VEZT: variants seen among roughly 807,000 people sequenced by gnomAD.
VEZT encodes vezatin, adherens junctions transmembrane protein.
In VEZT, 39 loss-of-function variants were observed where a neutral mutation model predicts 79.9. The ratio of observed to expected loss-of-function variants is 0.49; its 90% CI spans 0.38 to 0.64. The LOEUF (loss-of-function observed/expected upper bound fraction) is 0.64, where lower values mean the gene tolerates loss of function less well. Among genes scored for constraint, VEZT ranks in the 30% least tolerant of loss-of-function variants. The probability of loss-of-function intolerance (pLI) is 0.00; values close to 1 mark genes in which losing one functional copy is unlikely to be tolerated. For synonymous variants in VEZT, 325 were observed against 327.6 expected, an observed-to-expected ratio of 0.99 and a Z score of 0.09; for missense variants, 837 against 893.1, an observed-to-expected ratio of 0.94 and a Z score of 0.80.
rs1365559725 is a variant in VEZT, at chr12:95,235,114, C to A, written c.37-16826C>A. Among the ~76,000 whole-genome samples the A allele has an allele frequency of 2.1e-3, 313 of 152,198 alleles. 3 individuals carry two copies. Among genetic ancestry groups the A allele is most frequent in the African/African-American group, 7.1e-3 (295 of 41,542 alleles). Reference sequence around the variant, plus strand: ...CTCAATCTTTTCCCCACCTTTCCCCCCTTTCTATTCCACAAAACCGCCATT... The same window carrying A: ...CTCAATCTTTTCCCCACCTTTCCCCACTTTCTATTCCACAAAACCGCCATT... On this transcript the variant is annotated intron_variant, in intron 1 of 11. Coordinates refer to ENST00000436874, the MANE Select transcript of VEZT (RefSeq NM_017599.4).
chr12:95,261,786 C>G (rs2064556747), intron 3 of VEZT, among the ~76,000 whole-genome samples: 1 of 152,208 alleles, frequency 6.6e-6, no homozygotes, highest in South Asian at 2.1e-4. Flanking sequence ...GGAAACACAG[C>G]TACCAAACGC....
intron 9 of VEZT, among the ~76,000 whole-genome samples, chr12:95,289,417 CAAAAAAA>C (rs146728004): frequency 5.6e-4 from 39 of 69,488 alleles, no homozygotes; most frequent in East Asian, 3.3e-3. Flanking sequence ...ACTCTTGTCT[CAAAAAAA>C]AAAAAAAAAA....
In VEZT at chr12:95,282,642, T is replaced by A; in HGVS notation, c.1326T>A (p.Asn442Lys). ...SLQLHLKALL[N>K]EVIILEDELE... ...AGCTCCATCTGAAAGCATTACTGAA[T>A]GAGTAAGTTTAGAAATTATACCAAG... Residue 442 changes from asparagine to lysine, a missense_variant and splice_region_variant, in exon 8 of 12, where the codon AAT (asparagine) becomes AAA (lysine). Transcript: ENST00000436874. 1.9e-6 allele frequency: 3 copies of A among 1,589,770 alleles called. No homozygotes were observed. The highest frequency in any genetic ancestry group is 1.7e-6 in the Non-Finnish European group (2 of 1,166,024).
intron 1 of VEZT, among the ~76,000 whole-genome samples, chr12:95,236,360 C>T (rs1031853509): frequency 3.3e-5 from 5 of 152,028 alleles, no homozygotes; most frequent in Non-Finnish European, 5.9e-5. Context: ...TGCAGTGAGC[C>T]GAGATGGCAG....
chr12:95,232,153 A>T (rs1246984639), intron 1 of VEZT, among the ~76,000 whole-genome samples: 1 of 152,168 alleles, frequency 6.6e-6, no homozygotes, highest in Non-Finnish European at 1.5e-5. Flanking sequence ...CTATAGCTTT[A>T]AGCTATATTC....
At chr12:95,274,316 A>G (rs1051880281) in intron 6 of VEZT, among the ~76,000 whole-genome samples, 1 of 151,970 alleles carries the variant, frequency 6.6e-6, no homozygotes, top group Admixed American at 6.6e-5. Context: ...AAATACAAAA[A>G]TCAGCTGGGT....
At chr12:95,260,938 A>G (rs1050737522) in intron 3 of VEZT, among the ~76,000 whole-genome samples, 2 of 150,248 alleles carry the variant, frequency 1.3e-5, no homozygotes, top group Admixed American at 1.3e-4. Flanking sequence ...AAGAGAGAAG[A>G]GGCAGTTGTT....
At chr12:95,290,684 AGATTAGG>A (rs1476141079) in intron 9 of VEZT, 4 of 152,166 alleles carry the variant, frequency 2.6e-5, no homozygotes, top group African/African-American at 9.7e-5. Context: ...TTAGAAACCA[AGATTAGG>A]GTACTTGGCT....
At chr12:95,230,574 CTTT>C (rs56104790) in intron 1 of VEZT, among the ~76,000 whole-genome samples, 204 of 137,198 alleles carry the variant, frequency 1.5e-3, no homozygotes, top group African/African-American at 4.8e-3. Flanking sequence ...GTTATCTCTC[CTTT>C]TTTTTTTTTT....
chr12:95,296,402 AAATC>A, intron 11 of VEZT, 144 bp downstream of exon 11: 1 of 589,726 alleles, frequency 1.7e-6, no homozygotes, highest in Non-Finnish European at 2.7e-6. Context: ...TCTAGATGCT[AAATC>A]AATTTGATTA....
At chr12:95,272,938 G>A (rs2066918041) in intron 6 of VEZT, among the ~76,000 whole-genome samples, 1 of 152,112 alleles carries the variant, frequency 6.6e-6, no homozygotes, top group Admixed American at 6.6e-5. Context: ...TGTAGAGACA[G>A]GGTTTCACCA....
chr12:95,230,460 A>G (rs1427817942), intron 1 of VEZT, among the ~76,000 whole-genome samples: 1 of 145,688 alleles, frequency 6.9e-6, no homozygotes, highest in Non-Finnish European at 1.5e-5. Flanking sequence ...CTGTCAACCC[A>G]GGCTGGAGTG....
At chr12:95,243,870 G>A (rs1336444669) in intron 1 of VEZT, 1 of 434,684 alleles carries the variant, frequency 2.3e-6, no homozygotes, top group Non-Finnish European at 4.6e-6. Context: ...TATAAAGTAA[G>A]GACTTTCTTA....
chr12:95,259,352 G>A (rs781328292), intron 3 of VEZT, among the ~76,000 whole-genome samples: 5 of 152,046 alleles, frequency 3.3e-5, no homozygotes, highest in Admixed American at 1.3e-4. Context: ...TATATCCAAC[G>A]TGTGCTTTTC....
intron 1 of VEZT, among the ~76,000 whole-genome samples, chr12:95,218,998 G>A (rs1012148454): frequency 6.6e-6 from 1 of 152,164 alleles, no homozygotes; most frequent in African/African-American, 2.4e-5. Context: ...TGGCTGCAAT[G>A]AAGAAGCAGT....
At chr12:95,232,365 T>C (rs932674959) in intron 1 of VEZT, among the ~76,000 whole-genome samples, 1 of 152,176 alleles carries the variant, frequency 6.6e-6, no homozygotes, top group African/African-American at 2.4e-5. Context: ...ACACTTTTTT[T>C]CCAGAGAAAT....
intron 9 of VEZT, among the ~76,000 whole-genome samples, chr12:95,293,402 CT>C (rs76381367): frequency 0.11 from 16,562 of 152,090 alleles, 1,230 homozygotes; most frequent in Admixed American, 0.21. Context: ...AACCATACTT[CT>C]TTTTTTTAAG....
chr12:95,266,761 C>A (rs1402432432), intron 5 of VEZT, 129 bp downstream of exon 5: 1 of 840,120 alleles, frequency 1.2e-6, no homozygotes, highest in East Asian at 2.7e-5. Flanking sequence ...TTAGTACTTA[C>A]TAAAGTCAAT....
intron 1 of VEZT, among the ~76,000 whole-genome samples, chr12:95,248,462 G>C (rs960284188): frequency 1.3e-5 from 2 of 152,036 alleles, no homozygotes; most frequent in African/African-American, 4.8e-5. Flanking sequence ...TTCTCTTCTG[G>C]TTATCATTTT....
Sources: allele counts gnomAD v4.1 joint callset (sites outside exome capture counted in the v4.1 genomes callset), GRCh38; gene constraint gnomAD v4.1.1; transcripts MANE v1.5; gene names NCBI Gene and HGNC (gene_info 2026-07-23, HGNC 2026-07-21).